The following MCM10 variants were observed in gnomAD, a reference collection of about 807,000 sequenced individuals.
MCM10 encodes the protein protein MCM10 homolog.
In MCM10, 91 loss-of-function variants were observed where a neutral mutation model predicts 109.9. That is an observed-to-expected ratio of 0.83 (90% CI 0.70 to 0.99). MCM10 has a LOEUF of 0.99. MCM10 is among the 50% of genes least tolerant of loss of function. MCM10 has a pLI of 0.00. For synonymous variants in MCM10, 380 were observed against 387.2 expected, an observed-to-expected ratio of 0.98 and a Z score of 0.22; for missense variants, 1,077 against 1,061.2, an observed-to-expected ratio of 1.01 and a Z score of -0.21.
chr10:13,176,086 G>T (rs995762887), intron 6 of MCM10, among the ~76,000 whole-genome samples: 1 of 152,150 alleles, frequency 6.6e-6, no homozygotes, highest in Non-Finnish European at 1.5e-5. Flanking sequence ...TTACTGGATT[G>T]CTTTGGCTCT....
At chr10:13,194,623 G>A (rs138624404) in intron 13 of MCM10, among the ~76,000 whole-genome samples, 32 of 152,278 alleles carry the variant, frequency 2.1e-4, no homozygotes, top group African/African-American at 7.2e-4. Context: ...ACTTCCAAAT[G>A]TCTCACATGT....
Position 13,172,286 on chromosome 10 carries a change from G to T in MCM10, c.350-90G>T, listed in dbSNP as rs1391062835. 2 of 858,012 alleles carry T rather than the reference G, an allele frequency of 2.3e-6. No homozygotes were observed. The highest frequency in any genetic ancestry group is 3.9e-6 in the Non-Finnish European group (2 of 509,364). The allele number at this position is 858,012 out of a possible 1,614,324, so 53.1% of individuals were successfully genotyped here. On this transcript the variant is annotated intron_variant, in intron 3 of 19. Coordinates refer to ENST00000378714, the MANE Select transcript of MCM10 (RefSeq NM_018518.5). This position sits in a 1 kb window ranked among gnomAD's most constrained non-coding sequence, Gnocchi z 5.2. ...GTGGGTCTCAAGGTATTGGGGCAGG[G>T]AGTGGACAACAAAAATATTGCCCGC...
At chr10:13,173,499 A>C (rs1413038783) in intron 5 of MCM10, among the ~76,000 whole-genome samples, 1 of 152,232 alleles carries the variant, frequency 6.6e-6, no homozygotes, top group Non-Finnish European at 1.5e-5. Flanking sequence ...TGCACAAAAC[A>C]GCAGTGAAAA....
intron 18 of MCM10, among the ~76,000 whole-genome samples, chr10:13,208,308 C>T (rs1439760103): frequency 1.3e-5 from 2 of 152,004 alleles, no homozygotes; most frequent in African/African-American, 2.4e-5. Flanking sequence ...TCACTTGATC[C>T]CTGAAGATCA....
rs149006256 is a variant in MCM10 at position 13,191,581 on chromosome 10, A to T, written c.1516+182A>T. ...AAATAAATAAGCAAGCAAGCAAGCAAGCAAGCAAGCAGTCTTTAGGGTTGA... is the reference window on the plus strand; with the variant it reads ...AAATAAATAAGCAAGCAAGCAAGCATGCAAGCAAGCAGTCTTTAGGGTTGA... On this transcript the variant is annotated intron_variant, in intron 11 of 19. Coordinates refer to ENST00000378714, the MANE Select transcript of MCM10 (RefSeq NM_018518.5). Among the ~76,000 whole-genome samples, 316 of 152,320 alleles carry T rather than the reference A, an allele frequency of 2.1e-3. 1 individual carries two copies. The highest frequency in any genetic ancestry group is 7.0e-3 in the African/African-American group (293 of 41,574).
intron 16 of MCM10, 119 bp from the exon 17 acceptor site, chr10:13,201,302 G>A: frequency 1.4e-6 from 1 of 693,142 alleles, no homozygotes; most frequent in Non-Finnish European, 2.5e-6. Context: ...CTTCCATTCT[G>A]TTCTGTTTTG....
At chr10:13,196,862 T>G (rs960679019) in intron 14 of MCM10, among the ~76,000 whole-genome samples, 6 of 152,268 alleles carry the variant, frequency 3.9e-5, no homozygotes, top group Admixed American at 3.3e-4. Context: ...TATTATCTTA[T>G]TTCATCCATA....
chr10:13,174,049 A>G (rs552342517), intron 5 of MCM10, among the ~76,000 whole-genome samples: 131 of 152,226 alleles, frequency 8.6e-4, no homozygotes, highest in African/African-American at 3.0e-3. Context: ...ATAGAATACC[A>G]GACCCCTAAC....
rs1834502623 is a variant in MCM10, at chr10:13,201,694, C to T, written c.2352+160C>T. On this transcript the variant is annotated intron_variant, in intron 17 of 19. Coordinates refer to ENST00000378714, the MANE Select transcript of MCM10 (RefSeq NM_018518.5). ...GCGCAGGTGGCCCAGGACCCGGCTTCCTGCCTGACCTGGCTGCTGTGCTCT... is the reference window on the plus strand; with the variant it reads ...GCGCAGGTGGCCCAGGACCCGGCTTTCTGCCTGACCTGGCTGCTGTGCTCT... The T allele has an allele frequency of 5.0e-6, 3 of 604,032 alleles. No homozygotes were observed. The South Asian group carries it at 5.9e-5, about 12-fold the overall frequency. 37.4% of individuals were successfully genotyped at this position (604,032 alleles called of 1,614,324 possible). A position where few individuals can be genotyped will look rare whatever the true frequency, so the allele number is the denominator to read the frequency against.
chr10:13,201,519 C>T lies in MCM10; in HGVS notation c.2337C>T (p.Val779=), dbSNP rs200100968. The T allele has an allele frequency of 1.2e-5, 19 of 1,609,880 alleles. No homozygotes were observed. Among genetic ancestry groups the T allele is most frequent in the African/African-American group, 8.0e-5 (6 of 74,764 alleles). ...ACATCAGAGAAGTGAAGTGCCGTGT[C>T]GTGACATGCAAGACGGTGGGTGAAG... ...MRNIREVKCR[V]VTCKTCAYTH... is the part of the protein sequence containing the mutation. Residue 779 remains valine, a synonymous_variant, in exon 17 of 20, where the codon GTC becomes GTT. Transcript: ENST00000378714.
Position 13,182,992 on chromosome 10 carries a change from C to CT in MCM10, c.992dup (p.Leu331PhefsTer52). 1 of 1,614,034 alleles carries CT rather than the reference C, an allele frequency of 6.2e-7. No homozygotes were observed. Among genetic ancestry groups the CT allele is most frequent in the Non-Finnish European group, 8.5e-7 (1 of 1,179,952 alleles). ...TTCGTGACCTGACACAATGTGTGTC[C>CT]TTGTTCTTATTTGGAGAAGTTCACA... is the stretch of plus-strand genomic sequence containing the variant. On this transcript the variant is annotated frameshift_variant, in exon 8 of 20. Transcript: ENST00000378714. LOFTEE classifies it high-confidence loss of function. This position sits in a 1 kb window ranked among gnomAD's most constrained non-coding sequence, Gnocchi z 4.2.
At chr10:13,198,947 G>A in intron 16 of MCM10, 140 bp downstream of exon 16, 1 of 603,166 alleles carries the variant, frequency 1.7e-6, no homozygotes, top group East Asian at 2.9e-5. Context: ...CCAGGCTGAA[G>A]TGCAGTGGCG....
In MCM10 at chr10:13,188,977, A is replaced by G; in HGVS notation, c.1312A>G (p.Ile438Val). The change falls in exon 10 of 20, where the codon ATT becomes GTT. Residue 438 changes from isoleucine to valine, a missense_variant. Coordinates refer to ENST00000378714, the MANE Select transcript of MCM10 (RefSeq NM_018518.5). ...GCAGTCCACCTTCTCTGGAGGACGAATTCCAAAGAAGTTTGCCCGCAGAGG... is the reference window on the plus strand; with the variant it reads ...GCAGTCCACCTTCTCTGGAGGACGAGTTCCAAAGAAGTTTGCCCGCAGAGG... ...DLQSTFSGGR[I>V]PKKFARRGTS... 1 of 1,614,230 alleles carries G rather than the reference A, an allele frequency of 6.2e-7. No homozygotes were observed. Among genetic ancestry groups the G allele is most frequent in the Non-Finnish European group, 8.5e-7 (1 of 1,180,030 alleles).
At chr10:13,191,480 C>A in intron 11 of MCM10, 81 bp downstream of exon 11, 2 of 1,091,100 alleles carry the variant, frequency 1.8e-6, no homozygotes, top group Non-Finnish European at 2.8e-6. Context: ...ACATTGGGTA[C>A]AGGGTACACT....
At chr10:13,167,355 G>C (rs1207341585) in intron 2 of MCM10, among the ~76,000 whole-genome samples, 2 of 152,298 alleles carry the variant, frequency 1.3e-5, no homozygotes, top group South Asian at 2.1e-4. Flanking sequence ...CTGAAGAGCT[G>C]CTGGATGTGA....
Position 13,195,075 on chromosome 10 carries a change from G to C in MCM10, c.1780G>C (p.Ala594Pro). The C allele has an allele frequency of 9.9e-6, 16 of 1,614,088 alleles. No homozygotes were observed. The highest frequency in any genetic ancestry group is 1.3e-5 in the Non-Finnish European group (15 of 1,179,994). The change falls in exon 14 of 20, where the codon GCT becomes CCT. Residue 594 changes from alanine to proline, a missense_variant. Physicochemically the swap from Ala to Pro is conservative, Grantham distance 27 (BLOSUM62 -1). Transcript: ENST00000378714. Reference protein sequence around the residue: ...LQSSSEVESPAVPSSSRQPPA... With the variant: ...LQSSSEVESPPVPSSSRQPPA... ...GAGCTCAAGTGAAGTTGAGAGCCCA[G>C]CTGTGCCATCTTCATCAAGACAGCC...
chr10:13,197,592 C>G (rs376224593), intron 14 of MCM10, 31 bp from the exon 15 acceptor site: 10 of 1,601,546 alleles, frequency 6.2e-6, no homozygotes, highest in Non-Finnish European at 8.5e-6. Context: ...TCTTTTAGAT[C>G]TTTACCTCCC....
rs36050251 is a variant in MCM10, at chr10:13,197,636, C to A, written c.1988C>A (p.Thr663Asn). ...LAEAKKLAAI[T>N]KLRAKGQVLT... ...CCTTTTTTCTAGTTAGCTGCTATCACCAAATTAAGGGCAAAAGGCCAGGTT... is the reference window on the plus strand; with the variant it reads ...CCTTTTTTCTAGTTAGCTGCTATCAACAAATTAAGGGCAAAAGGCCAGGTT... The change falls in exon 15 of 20, where the codon ACC becomes AAC. Residue 663 changes from threonine to asparagine, a missense_variant. Transcript: ENST00000378714. 1.3e-5 allele frequency: 21 copies of A among 1,612,802 alleles called. No homozygotes were observed. Among genetic ancestry groups the A allele is most frequent in the Non-Finnish European group, 1.6e-5 (19 of 1,179,746 alleles).
chr10:13,166,683 T>G (rs192246628), intron 2 of MCM10, among the ~76,000 whole-genome samples: 4,221 of 130,438 alleles, frequency 0.032, 109 homozygotes, highest in African/African-American at 0.039. Context: ...TATATATATA[T>G]ATATATCATC....
Sources: gnomAD v4.1 joint callset for allele counts (sites outside exome capture counted in the v4.1 genomes callset) on GRCh38, gnomAD v4.1.1 for gene constraint, Gnocchi (gnomAD v3.1) non-coding constraint, MANE v1.5 for transcripts, NCBI Gene and HGNC (gene_info 2026-07-23, HGNC 2026-07-21) for gene names.